Variants in BAZ2B observed in about 807,000 individuals in gnomAD.
BAZ2B encodes the protein bromodomain adjacent to zinc finger domain protein 2B.
In BAZ2B, 91 loss-of-function variants were observed where a neutral mutation model predicts 246.0. That is an observed-to-expected ratio of 0.37 (90% CI 0.31 to 0.44). The LOEUF (loss-of-function observed/expected upper bound fraction) is 0.44, where lower values mean the gene tolerates loss of function less well. Ranked by LOEUF, BAZ2B falls within the 20% of genes least tolerant of loss-of-function variation. BAZ2B has a pLI of 1.00. For missense variants in BAZ2B, 2,332 were observed against 2,533.7 expected (o/e 0.92, Z 1.71); for synonymous variants, 855 against 860.0 (o/e 0.99, Z 0.10).
intron 1 of BAZ2B, 166 bp downstream of exon 1, chr2:159,616,076 A>T (rs1696037699): frequency 6.6e-6 from 1 of 151,572 alleles, no homozygotes; most frequent in South Asian, 2.1e-4. Flanking sequence ...GAGGATAAAC[A>T]GCGGCGGAGG....
At chr2:159,564,341 G>A (rs1260000545) in intron 1 of BAZ2B, among the ~76,000 whole-genome samples, 3 of 152,064 alleles carry the variant, frequency 2.0e-5, no homozygotes, top group Non-Finnish European at 4.4e-5. Flanking sequence ...TACTCTAGAT[G>A]TTATTCTACA....
intron 13 of BAZ2B, among the ~76,000 whole-genome samples, chr2:159,420,108 C>A (rs570498400): frequency 3.9e-5 from 6 of 152,170 alleles, no homozygotes; most frequent in Non-Finnish European, 7.4e-5. Context: ...CTTCTCTAAA[C>A]CAACAATCAT....
intron 1 of BAZ2B, among the ~76,000 whole-genome samples, chr2:159,557,064 T>C (rs1388497680): frequency 6.6e-6 from 1 of 151,928 alleles, no homozygotes; most frequent in African/African-American, 2.4e-5. Context: ...TCTTCGTCAC[T>C]CTATCCTTAA....
chr2:159,682,916 C>CA, the BAZ2B span, among the ~76,000 whole-genome samples: 30,177 of 148,604 alleles, frequency 0.2, 3,399 homozygotes, highest in African/African-American at 0.27. Context: ...CCCTCCCCCC[C>CA]CCCACACACA....
chr2:159,557,421 T>G (rs2089313487), intron 1 of BAZ2B, among the ~76,000 whole-genome samples: 6 of 152,160 alleles, frequency 3.9e-5, no homozygotes, highest in Admixed American at 3.9e-4. Context: ...TTAGGCCCTC[T>G]GTTACCTGGT....
At chr2:159,412,950 G>GA (rs2067060224) in intron 13 of BAZ2B, among the ~76,000 whole-genome samples, 1 of 152,116 alleles carries the variant, frequency 6.6e-6, no homozygotes, top group Non-Finnish European at 1.5e-5. Context: ...AATAATACAT[G>GA]AAAGTTTCTC....
chr2:159,448,144 C>T, intron 5 of BAZ2B, 98 bp downstream of exon 5: 1 of 1,393,876 alleles, frequency 7.2e-7, no homozygotes, highest in Non-Finnish European at 9.7e-7. Flanking sequence ...AACAAACAAA[C>T]AAAAACAAAA....
Position 159,349,916 on chromosome 2 carries a change from A to G in BAZ2B, c.4655T>C (p.Leu1552Pro). The change falls in exon 28 of 37, where the codon CTG (leucine) becomes CCG (proline). Residue 1552 changes from leucine (L) to proline (P), a missense_variant. Physicochemically the swap from Leu to Pro is moderately conservative, Grantham distance 98. Coordinates refer to ENST00000392783, the MANE Select transcript of BAZ2B (RefSeq NM_013450.4). ...PLPNDQLLKT[L>P]TEKNRQWFSL... Reference sequence around the variant, plus strand: ...AAACCATTGTCTATTCTTTTCAGTCAGCGTTTTTAGTAACTGGTCATTGGG... The same window carrying G: ...AAACCATTGTCTATTCTTTTCAGTCGGCGTTTTTAGTAACTGGTCATTGGG... 1 of 1,614,180 alleles carries G rather than the reference A, an allele frequency of 6.2e-7. No homozygotes were observed. Among genetic ancestry groups the G allele is most frequent in the Non-Finnish European group, 8.5e-7 (1 of 1,180,002 alleles).
chr2:159,504,866 G>C (rs1020751608), intron 2 of BAZ2B, among the ~76,000 whole-genome samples: 7 of 152,188 alleles, frequency 4.6e-5, no homozygotes, highest in African/African-American at 1.7e-4. Flanking sequence ...AGCTATCAAA[G>C]TTCTACATGA....
At chr2:159,633,063 T>G in the BAZ2B span, among the ~76,000 whole-genome samples, 1 of 152,222 alleles carries the variant, frequency 6.6e-6, no homozygotes, top group Non-Finnish European at 1.5e-5. Flanking sequence ...TTATTATTAT[T>G]TGTGAATTGT....
intron 16 of BAZ2B, among the ~76,000 whole-genome samples, chr2:159,401,010 T>C (rs2064965567): frequency 6.6e-6 from 1 of 151,658 alleles, no homozygotes; most frequent in African/African-American, 2.4e-5. Context: ...GCCACTGCAC[T>C]CCAGCCTGGG....
At chr2:159,347,092 A>C (rs577349536) in intron 31 of BAZ2B, among the ~76,000 whole-genome samples, 8 of 152,336 alleles carry the variant, frequency 5.3e-5, no homozygotes, top group Non-Finnish European at 1.0e-4. Flanking sequence ...GCCCTATATG[A>C]AACACTACAA....
chr2:159,325,115 T>TATATATA (rs1205277055), intron 35 of BAZ2B, among the ~76,000 whole-genome samples, 161 bp from the exon 36 acceptor site: 1 of 3,306 alleles, frequency 3.0e-4, no homozygotes, highest in African/African-American at 8.2e-4. Context: ...TATATATATA[T>TATATATA]TTTATATATA....
intron 31 of BAZ2B, among the ~76,000 whole-genome samples, 180 bp from the exon 32 acceptor site, chr2:159,337,952 T>C (rs1027824509): frequency 6.6e-6 from 1 of 152,150 alleles, no homozygotes; most frequent in Admixed American, 6.5e-5. Flanking sequence ...AAAGAAATAG[T>C]TGTAAGAAAA....
chr2:159,639,603 G>A, the BAZ2B span, among the ~76,000 whole-genome samples: 2 of 152,124 alleles, frequency 1.3e-5, no homozygotes, highest in Admixed American at 1.3e-4. Context: ...TATGCAAGCA[G>A]TGTTAAGTCG....
chr2:159,622,829 T>C, the BAZ2B span, among the ~76,000 whole-genome samples: 1 of 151,772 alleles, frequency 6.6e-6, no homozygotes, highest in East Asian at 1.9e-4. Context: ...TGAGACTGTC[T>C]CTACAAAAAA....
At chr2:159,413,572 G>A (rs947313334) in intron 13 of BAZ2B, among the ~76,000 whole-genome samples, 2 of 152,092 alleles carry the variant, frequency 1.3e-5, no homozygotes, top group Admixed American at 6.6e-5. Flanking sequence ...GCTGGGTGTG[G>A]TGACAGGCAC....
chr2:159,554,138 C>A (rs62171572), intron 2 of BAZ2B, among the ~76,000 whole-genome samples: 8,149 of 152,100 alleles, frequency 0.054, 375 homozygotes, highest in African/African-American at 0.12. Context: ...TATTTAACAT[C>A]TAATAATATT....
the BAZ2B span, chr2:159,690,070 A>C: frequency 2.6e-4 from 123 of 474,900 alleles, no homozygotes; most frequent in African/African-American, 2.2e-3. Context: ...AATCAGTTTG[A>C]ATTTTTCTAA....
Sources: allele counts gnomAD v4.1 joint callset (sites outside exome capture counted in the v4.1 genomes callset), GRCh38; gene constraint gnomAD v4.1.1; transcripts MANE v1.5; gene names NCBI Gene and HGNC (gene_info 2026-07-23, HGNC 2026-07-21).